The following FOXN3 variants were observed in gnomAD, a reference collection of about 807,000 sequenced individuals.
FOXN3 encodes forkhead box N3.
In FOXN3, 7 loss-of-function variants were observed where a neutral mutation model predicts 38.4. The observed-to-expected ratio is 0.18, with a 90% CI of 0.10 to 0.34. The LOEUF (loss-of-function observed/expected upper bound fraction) is 0.34, where lower values mean the gene tolerates loss of function less well. Among genes scored for constraint, FOXN3 ranks in the 10% least tolerant of loss-of-function variants. The pLI is 1.00. For synonymous variants in FOXN3, 230 were observed against 242.2 expected (o/e 0.95, Z 0.47); for missense variants, 456 against 613.4 (o/e 0.74, Z 2.71).
chr14:89,437,926 G>T (rs535113268), intron 1 of FOXN3, among the ~76,000 whole-genome samples: 3 of 152,314 alleles, frequency 2.0e-5, no homozygotes, highest in African/African-American at 7.2e-5. Context: ...GTTACTACAT[G>T]ACAGACAATG....
intron 4 of FOXN3, among the ~76,000 whole-genome samples, chr14:89,238,763 G>T (rs1885052641): frequency 6.6e-6 from 1 of 152,122 alleles, no homozygotes; most frequent in African/African-American, 2.4e-5. Context: ...TGGGATTTTT[G>T]AGCTTAAAAC....
At chr14:89,307,382 G>A (rs1403023236) in intron 3 of FOXN3, among the ~76,000 whole-genome samples, 1 of 152,012 alleles carries the variant, frequency 6.6e-6, no homozygotes, top group Non-Finnish European at 1.5e-5. Flanking sequence ...CTTTTTTTAA[G>A]CTGAAATAAT....
intron 1 of FOXN3, among the ~76,000 whole-genome samples, chr14:89,439,532 G>A (rs1892334787): frequency 6.6e-6 from 1 of 152,086 alleles, no homozygotes; most frequent in Non-Finnish European, 1.5e-5. Context: ...ACCCTATATG[G>A]TCTAAAAAGG....
intron 1 of FOXN3, among the ~76,000 whole-genome samples, chr14:89,568,085 T>A (rs920546658): frequency 1.3e-5 from 2 of 151,962 alleles, no homozygotes; most frequent in Admixed American, 1.3e-4. Flanking sequence ...CCCTAAAACC[T>A]ATCCTCTCGC....
chr14:89,590,770 A>G (rs543703123), intron 1 of FOXN3, among the ~76,000 whole-genome samples: 3 of 152,184 alleles, frequency 2.0e-5, no homozygotes, highest in South Asian at 2.1e-4. Flanking sequence ...CTAGAAATAC[A>G]TCTCTAACCT....
chr14:89,514,362 C>T (rs1240935562), intron 1 of FOXN3, among the ~76,000 whole-genome samples: 1 of 152,166 alleles, frequency 6.6e-6, no homozygotes, highest in Non-Finnish European at 1.5e-5. Flanking sequence ...GAGACCTTAG[C>T]GTCTGTGATG....
chr14:89,188,910 T>A (rs1887875802), intron 4 of FOXN3, among the ~76,000 whole-genome samples: 1 of 152,056 alleles, frequency 6.6e-6, no homozygotes, highest in Admixed American at 6.6e-5. Context: ...AAAACCACAC[T>A]CCAGGTTAAC....
chr14:89,426,658 C>A (rs1466546187), intron 1 of FOXN3, among the ~76,000 whole-genome samples: 1 of 152,174 alleles, frequency 6.6e-6, no homozygotes, highest in Admixed American at 6.5e-5. Context: ...AGACAGTGTT[C>A]TAAAGCTCCG....
At chr14:89,611,782 G>A (rs1425577381) in intron 1 of FOXN3, among the ~76,000 whole-genome samples, 1 of 145,124 alleles carries the variant, frequency 6.9e-6, no homozygotes, top group Non-Finnish European at 1.5e-5. Flanking sequence ...CTCCAGCCTG[G>A]GCGACAGAGT....
chr14:89,220,796 C>G (rs1596111554), intron 4 of FOXN3, among the ~76,000 whole-genome samples: 1 of 152,136 alleles, frequency 6.6e-6, no homozygotes, highest in East Asian at 1.9e-4. Context: ...TGAAAGACGG[C>G]CAGAAGAATG....
At chr14:89,539,907 A>G (rs1016537670) in intron 1 of FOXN3, among the ~76,000 whole-genome samples, 2 of 152,214 alleles carry the variant, frequency 1.3e-5, no homozygotes, top group Non-Finnish European at 2.9e-5. Flanking sequence ...GAAAAAGGAA[A>G]CATACCAAAA....
chr14:89,496,123 G>A (rs536631515), intron 1 of FOXN3, among the ~76,000 whole-genome samples: 1 of 152,262 alleles, frequency 6.6e-6, no homozygotes, highest in Admixed American at 6.5e-5. Context: ...TGAGGCAGGC[G>A]AATCTCTTGA....
chr14:89,491,038 G>A (rs1020023793), intron 1 of FOXN3, among the ~76,000 whole-genome samples: 8 of 152,076 alleles, frequency 5.3e-5, no homozygotes, highest in South Asian at 2.1e-4. Flanking sequence ...GCAATGGCAC[G>A]ATCTCGGCTC....
At chr14:89,538,174 C>A (rs774807613) in intron 1 of FOXN3, among the ~76,000 whole-genome samples, 12 of 152,204 alleles carry the variant, frequency 7.9e-5, no homozygotes, top group Admixed American at 1.3e-4. Context: ...AAAACAGATC[C>A]ACGTAATGTA....
At chr14:89,451,246 G>T (rs1038787500) in intron 1 of FOXN3, among the ~76,000 whole-genome samples, 2 of 152,188 alleles carry the variant, frequency 1.3e-5, no homozygotes, top group African/African-American at 4.8e-5. Context: ...ACCCAAGGAG[G>T]TATGGTAGCC....
At chr14:89,479,115 C>G (rs1356670906) in intron 1 of FOXN3, among the ~76,000 whole-genome samples, 1 of 152,020 alleles carries the variant, frequency 6.6e-6, no homozygotes, top group African/African-American at 2.4e-5. Context: ...CTGTGGCTGA[C>G]AGCCTCACCC....
chr14:89,587,511 C>T (rs144343410), intron 1 of FOXN3, among the ~76,000 whole-genome samples: 79 of 151,860 alleles, frequency 5.2e-4, no homozygotes, highest in Middle Eastern at 3.4e-3. Context: ...GTAAAGGCAA[C>T]GAAATTGAAA....
chr14:89,314,436 CA>C (rs10717154), intron 3 of FOXN3, among the ~76,000 whole-genome samples: 115,585 of 151,972 alleles, frequency 0.76, 44,107 homozygotes, highest in Middle Eastern at 0.83. Flanking sequence ...CTTGTTTTGT[CA>C]GCTTCATTTC....
chr14:89,347,991 C>A (rs1368015878), intron 3 of FOXN3, among the ~76,000 whole-genome samples: 1 of 152,084 alleles, frequency 6.6e-6, no homozygotes, highest in Non-Finnish European at 1.5e-5. Flanking sequence ...CACGGGTCTA[C>A]ACATCTCAAT....
Sources: gnomAD v4.1 joint callset for allele counts (sites outside exome capture counted in the v4.1 genomes callset) on GRCh38, gnomAD v4.1.1 for gene constraint, MANE v1.5 for transcripts, NCBI Gene and HGNC (gene_info 2026-07-23, HGNC 2026-07-21) for gene names.